PCDHA8: variants seen among roughly 807,000 people sequenced by gnomAD.
PCDHA8 encodes the protein protocadherin alpha 8, also known as protocadherin alpha-8.
In PCDHA8, 53 loss-of-function variants were observed where a neutral mutation model predicts 61.8. The ratio of observed to expected loss-of-function variants is 0.86; its 90% CI spans 0.69 to 1.08. The LOEUF (loss-of-function observed/expected upper bound fraction) is 1.08. Among genes scored for constraint, PCDHA8 ranks in the 50% least tolerant of loss-of-function variants. The probability of loss-of-function intolerance (pLI) is 0.00; values close to 1 mark genes in which losing one functional copy is unlikely to be tolerated. For missense variants in PCDHA8, 1,293 were observed against 1,245.0 expected, an observed-to-expected ratio of 1.04 and a Z score of -0.58; for synonymous variants, 618 against 556.6, an observed-to-expected ratio of 1.11 and a Z score of -1.55.
intron 1 of PCDHA8, chr5:140,867,901 G>A (rs1554161610): frequency 1.3e-5 from 2 of 152,058 alleles, no homozygotes; most frequent in African/African-American, 4.8e-5. Flanking sequence ...GGTACTTACA[G>A]AAGGTATAAT....
intron 1 of PCDHA8, chr5:140,856,914 G>A (rs1554149290): frequency 1.3e-6 from 2 of 1,596,230 alleles, no homozygotes; most frequent in East Asian, 4.5e-5. Flanking sequence ...CCCACGATAA[G>A]AAGGAAATTT....
At chr5:140,964,699 G>A (rs2095849795) in intron 1 of PCDHA8, among the ~76,000 whole-genome samples, 1 of 151,922 alleles carries the variant, frequency 6.6e-6, no homozygotes, top group Non-Finnish European at 1.5e-5. Context: ...GAGAGATTAA[G>A]GCCTCCGAGA....
chr5:140,860,800 C>G (rs1270356784), intron 1 of PCDHA8: 1 of 152,198 alleles, frequency 6.6e-6, no homozygotes, highest in East Asian at 1.9e-4. Flanking sequence ...TGCAGTGGCA[C>G]GATCTCGGCT....
chr5:140,906,486 A>C (rs2072686991), intron 1 of PCDHA8, among the ~76,000 whole-genome samples: 1 of 152,270 alleles, frequency 6.6e-6, no homozygotes, highest in East Asian at 1.9e-4. Context: ...GTATAAATGC[A>C]CAAACATGTT....
chr5:140,883,065 C>T, intron 1 of PCDHA8: 1 of 1,614,056 alleles, frequency 6.2e-7, no homozygotes, highest in Non-Finnish European at 8.5e-7. Flanking sequence ...AAGCTAAATG[C>T]CACAGATCCT....
rs2150358043 is a variant in PCDHA8 at position 140,843,352 on chromosome 5, A to G, written c.2031A>G (p.Lys677=). The G allele has an allele frequency of 6.3e-7, 1 of 1,596,016 alleles. No homozygotes were observed. ...VSLVESGQAP[K]ASSRQSAGVL... is the part of the protein sequence containing the mutation. ...TGGTGGAGAGCGGCCAGGCTCCAAA[A>G]GCGTCATCGAGGCAGTCGGCTGGCG... is the stretch of plus-strand genomic sequence containing the variant. Residue 677 remains lysine (K), a synonymous_variant, in exon 1 of 4, where the codon AAA becomes AAG. Coordinates refer to ENST00000531613, the MANE Select transcript of PCDHA8 (RefSeq NM_018911.3).
chr5:140,910,546 A>G (rs2075078968), intron 1 of PCDHA8, among the ~76,000 whole-genome samples: 1 of 152,198 alleles, frequency 6.6e-6, no homozygotes, highest in Non-Finnish European at 1.5e-5. Context: ...CTATTTTGCA[A>G]AGTATTAGTC....
intron 1 of PCDHA8, among the ~76,000 whole-genome samples, chr5:140,938,635 G>A (rs1361017966): frequency 6.6e-6 from 1 of 151,982 alleles, no homozygotes; most frequent in Non-Finnish European, 1.5e-5. Context: ...TGCTTATGAT[G>A]TATAATCCTT....
chr5:140,904,328 C>T (rs1469107868), intron 1 of PCDHA8, among the ~76,000 whole-genome samples: 2 of 151,958 alleles, frequency 1.3e-5, no homozygotes, highest in South Asian at 2.1e-4. Flanking sequence ...ATAATGGTCT[C>T]CAGTTCCATC....
chr5:140,966,161 CT>C, intron 1 of PCDHA8: 1 of 175,442 alleles, frequency 5.7e-6, no homozygotes. Context: ...GCTTGGAGAT[CT>C]TTTCCTGGGG....
rs185914290 is a variant in PCDHA8, at chr5:140,920,039, G to C, written c.2395-58910G>C. ...AGATGGAGACAGAGATTGGAGTGAT[G>C]TCAACAGCCACCAACACCTGGAAAA... On this transcript the variant is annotated intron_variant, in intron 1 of 3. Transcript: ENST00000531613. Among the ~76,000 whole-genome samples, 5 of 152,280 alleles carry C rather than the reference G, an allele frequency of 3.3e-5. No homozygotes were observed. In the South Asian group the frequency reaches 1.0e-3, roughly 32 times the overall value.
intron 1 of PCDHA8, among the ~76,000 whole-genome samples, chr5:140,953,945 C>T (rs189219030): frequency 8.5e-5 from 13 of 152,154 alleles, no homozygotes; most frequent in African/African-American, 3.1e-4. Flanking sequence ...TCCCATTGCT[C>T]CCCCAACAGG....
In PCDHA8 at chr5:140,843,473, T is replaced by A. The variant is rs2150360834; in HGVS notation, c.2152T>A (p.Tyr718Asn). Residue 718 changes from tyrosine (Y) to asparagine (N), a missense_variant, in exon 1 of 4, where the codon TAC (tyrosine) becomes AAC (asparagine). Transcript: ENST00000531613. The stretch of plus-strand genomic sequence containing the variant: ...CCTGCTGGTGCTCACGCTGCTGCTG[T>A]ACACTGCGCTGCGGTGCTCAGCACT... Reference protein sequence around the residue: ...SSLLVLTLLLYTALRCSALPT... With the variant: ...SSLLVLTLLLNTALRCSALPT... 2 of 1,595,974 alleles carry A rather than the reference T, an allele frequency of 1.3e-6. No homozygotes were observed. The highest frequency in any genetic ancestry group is 1.7e-6 in the Non-Finnish European group (2 of 1,165,576).
chr5:140,869,320 G>A, intron 1 of PCDHA8: 1 of 1,613,846 alleles, frequency 6.2e-7, no homozygotes, highest in Non-Finnish European at 8.5e-7. Flanking sequence ...AACACATGGG[G>A]ACCTTCTGGA....
At chr5:140,931,783 T>A (rs2087751344) in intron 1 of PCDHA8, among the ~76,000 whole-genome samples, 1 of 151,996 alleles carries the variant, frequency 6.6e-6, no homozygotes, top group African/African-American at 2.4e-5. Context: ...TTCAATTACC[T>A]ATTGATCTGA....
At chr5:140,852,634 G>C (rs1450409196) in intron 1 of PCDHA8, 2 of 955,260 alleles carry the variant, frequency 2.1e-6, no homozygotes, top group African/African-American at 3.6e-5. Flanking sequence ...CTGAGCTCCT[G>C]TCATTAAACC....
chr5:140,890,409 A>G (rs1554184285), intron 1 of PCDHA8, among the ~76,000 whole-genome samples: 1 of 152,174 alleles, frequency 6.6e-6, no homozygotes, highest in Non-Finnish European at 1.5e-5. Context: ...TTTAACTTGA[A>G]TATTTATTTA....
intron 1 of PCDHA8, among the ~76,000 whole-genome samples, chr5:140,898,193 A>G (rs1352716396): frequency 1.7e-4 from 26 of 152,114 alleles, no homozygotes; most frequent in African/African-American, 5.3e-4. Flanking sequence ...CTTTAGTTTA[A>G]TTAGATCCCA....
At position 140,843,439 on chromosome 5, in the gene PCDHA8, G is replaced by C. The variant is rs2150360020; in HGVS notation, c.2118G>C (p.Ala706=). The change falls in exon 1 of 4, where the codon GCG becomes GCC. Residue 706 remains alanine (A), a synonymous_variant. Transcript: ENST00000531613. The part of the protein sequence containing the change: ...VNVYLIIAIC[A]VSSLLVLTLL... The stretch of plus-strand genomic sequence containing the variant: ...TGTACCTGATCATCGCCATCTGCGC[G>C]GTATCCAGCCTGCTGGTGCTCACGC... The C allele has an allele frequency of 5.1e-5, 82 of 1,595,976 alleles. 7 individuals carry two copies. In the South Asian group the frequency reaches 8.6e-4, roughly 17 times the overall value.
Sources: gnomAD v4.1 joint callset for allele counts (sites outside exome capture counted in the v4.1 genomes callset) on GRCh38, gnomAD v4.1.1 for gene constraint, MANE v1.5 for transcripts, NCBI Gene and HGNC (gene_info 2026-07-23, HGNC 2026-07-21) for gene names.